Variants in HCLS1 observed in about 807,000 individuals in gnomAD.
The protein encoded by HCLS1 is hematopoietic cell-specific Lyn substrate 1.
A neutral mutation model predicts 68.6 loss-of-function variants in HCLS1; 44 were observed. The ratio of observed to expected loss-of-function variants is 0.64; its 90% confidence interval spans 0.50 to 0.82. The LOEUF is 0.82. Among genes scored for constraint, HCLS1 ranks in the 40% least tolerant of loss-of-function variants. The probability of loss-of-function intolerance (pLI) is 0.00; values close to 1 mark genes in which losing one functional copy is unlikely to be tolerated. For synonymous variants in HCLS1, 217 were observed against 225.8 expected, an observed-to-expected ratio of 0.96 and a Z score of 0.35; for missense variants, 602 against 612.1, an observed-to-expected ratio of 0.98 and a Z score of 0.17.
At chr3:121,634,539 A>G in intron 9 of HCLS1, 121 bp from the exon 10 acceptor site, 1 of 900,974 alleles carries the variant, frequency 1.1e-6, no homozygotes, top group Non-Finnish European at 1.8e-6. Flanking sequence ...GTGGGACAGG[A>G]TGGTAAAGAG....
intron 2 of HCLS1, among the ~76,000 whole-genome samples, chr3:121,657,652 C>T (rs994340484): frequency 1.4e-4 from 21 of 151,950 alleles, no homozygotes; most frequent in African/African-American, 5.1e-4. Context: ...CCCATCTCTA[C>T]CAAAAAAATA....
intron 3 of HCLS1, chr3:121,655,462 C>CTTTTTTTTTTTTTTTT (rs1181452367): frequency 6.0e-5 from 3 of 50,066 alleles, no homozygotes; most frequent in African/African-American, 7.9e-5. Context: ...GTTGCTTGCT[C>CTTTTTTTTTTTTTTTT]TTTTTTTTTT....
At chr3:121,646,004 TA>T (rs985532640) in intron 4 of HCLS1, among the ~76,000 whole-genome samples, 1 of 133,762 alleles carries the variant, frequency 7.5e-6, no homozygotes, top group African/African-American at 2.8e-5. Flanking sequence ...TATTTATAAA[TA>T]TATTTATAAA....
At chr3:121,649,636 A>C (rs954818661) in intron 3 of HCLS1, among the ~76,000 whole-genome samples, 1 of 152,216 alleles carries the variant, frequency 6.6e-6, no homozygotes, top group African/African-American at 2.4e-5. Flanking sequence ...AAAATGTTTT[A>C]TGTATGGAGA....
rs1269305696 is a variant in HCLS1 at position 121,631,820 on chromosome 3, C to G, written c.*26G>C. ...GAGCCACTTTGGACATGGGAAATCA[C>G]AGTTGCAGTAGACAGTGAGCTCTAG... On this transcript the variant is annotated 3_prime_UTR_variant, in exon 14 of 14. Coordinates refer to ENST00000314583, the MANE Select transcript of HCLS1 (RefSeq NM_005335.6). The G allele has an allele frequency of 1.2e-6, 2 of 1,613,364 alleles. No homozygotes were observed. The highest frequency in any genetic ancestry group is 2.2e-5 in the South Asian group (2 of 91,030).
chr3:121,643,598 GTC>G (rs2049220362), intron 5 of HCLS1: 1 of 152,390 alleles, frequency 6.6e-6, no homozygotes, highest in Non-Finnish European at 1.5e-5. Context: ...AACCAGGAGA[GTC>G]TGGATCCTAG....
chr3:121,659,723 T>C (rs1937950735), intron 1 of HCLS1, among the ~76,000 whole-genome samples: 1 of 152,072 alleles, frequency 6.6e-6, no homozygotes, highest in Non-Finnish European at 1.5e-5. Flanking sequence ...GCATCCTTAC[T>C]ACCCCTCTGC....
chr3:121,645,769 G>C lies in HCLS1; in HGVS notation c.289-841C>G, dbSNP rs552489208. 4.6e-5 allele frequency among the ~76,000 whole-genome samples: 7 copies of C among 150,678 alleles called. No individual in the cohort carries two copies. The East Asian group carries it at 1.4e-3, about 29-fold the overall frequency. On this transcript the variant is annotated intron_variant, in intron 4 of 13. Coordinates refer to ENST00000314583, the MANE Select transcript of HCLS1 (RefSeq NM_005335.6). ...AATGAGTTTTAACTCATGAACCAAT[G>C]AATGAGTCAAAAAATATATATTTTG...
intron 1 of HCLS1, among the ~76,000 whole-genome samples, chr3:121,658,942 C>T (rs565398681): frequency 2.6e-5 from 4 of 152,254 alleles, no homozygotes; most frequent in African/African-American, 7.2e-5. Context: ...CAGCGACAGT[C>T]GGCTGAAATT....
intron 4 of HCLS1, among the ~76,000 whole-genome samples, chr3:121,646,972 ATTTATTTTATTTATTTT>A (rs1183462447): frequency 6.9e-6 from 1 of 144,860 alleles, no homozygotes; most frequent in Non-Finnish European, 1.5e-5. Context: ...TGTATTATTT[ATTTATTTTATTTATTTT>A]TTTTTTTTTT....
At chr3:121,657,772 A>G (rs923634812) in intron 2 of HCLS1, among the ~76,000 whole-genome samples, 17 of 152,242 alleles carry the variant, frequency 1.1e-4, no homozygotes, top group African/African-American at 3.9e-4. Flanking sequence ...GGTTGCAGTG[A>G]GCTGAGATTG....
At chr3:121,659,084 TAGAAA>T (rs952221188) in intron 1 of HCLS1, among the ~76,000 whole-genome samples, 43 of 152,264 alleles carry the variant, frequency 2.8e-4, no homozygotes, top group African/African-American at 1.0e-3. Flanking sequence ...CAATTTACCG[TAGAAA>T]AGAAAAAAGA....
Position 121,632,528 on chromosome 3 carries a change from A to C in HCLS1, c.1044T>G (p.Thr348=). ...CTTCCTCCACCTGGAGGCCTTCCAG[A>C]GTCCTAGGGGGCAGAGCTGGGGGCT... ...NEEPPALPPR[T]LEGLQVEEEP... is the part of the protein sequence containing the mutation. The change falls in exon 12 of 14, where the codon ACT becomes ACG. Residue 348 remains threonine, a synonymous_variant. Transcript: ENST00000314583. The C allele has an allele frequency of 1.2e-6, 2 of 1,613,082 alleles. No individual in the cohort carries two copies. Among genetic ancestry groups the C allele is most frequent in the Non-Finnish European group, 8.5e-7 (1 of 1,179,966 alleles).
chr3:121,647,524 C>G lies in HCLS1; in HGVS notation c.159-76G>C, dbSNP rs183376046. On this transcript the variant is annotated intron_variant, in intron 3 of 13. Transcript: ENST00000314583. ...ACCCATCTTCCCAGAAAAATGGAAG[C>G]CTTGAAGTCTGTCCTGTTTACTTTC... The G allele has an allele frequency of 6.4e-5, 98 of 1,521,254 alleles. No homozygotes were observed. The African/African-American group carries it at 7.4e-4, about 12-fold the overall frequency. The allele number at this position is 1,521,254 out of a possible 1,614,324, so 94.2% of individuals were successfully genotyped here.
chr3:121,659,154 CTAAA>C, intron 1 of HCLS1, among the ~76,000 whole-genome samples: 1 of 152,294 alleles, frequency 6.6e-6, no homozygotes, highest in African/African-American at 2.4e-5. Flanking sequence ...TTTTTATCAA[CTAAA>C]TAAATGTTGC....
chr3:121,657,677 G>A (rs1006079713), intron 2 of HCLS1, among the ~76,000 whole-genome samples: 1 of 152,084 alleles, frequency 6.6e-6, no homozygotes, highest in African/African-American at 2.4e-5. Context: ...AATTAGCCAG[G>A]TGTGGTGGCA....
chr3:121,634,481 A>C lies in HCLS1; in HGVS notation c.692-63T>G, dbSNP rs6770842. ...ATTGGAGAGTGGGGAAGGGCATGGCACTTGAAGGAAGAAGGGGAATCAGTT... is the reference window on the plus strand; with the variant it reads ...ATTGGAGAGTGGGGAAGGGCATGGCCCTTGAAGGAAGAAGGGGAATCAGTT... On this transcript the variant is annotated intron_variant, in intron 9 of 13. Transcript: ENST00000314583. 0.24 allele frequency: 355,034 copies of C among 1,463,962 alleles called. 44,031 individuals carry two copies. The highest frequency in any genetic ancestry group is 0.35 in the East Asian group (15,429 of 44,256). The allele number at this position is 1,463,962 out of a possible 1,614,324, so 90.7% of individuals were successfully genotyped here.
At chr3:121,645,047 C>T (rs575354000) in intron 4 of HCLS1, 119 bp from the exon 5 acceptor site, 41 of 738,704 alleles carry the variant, frequency 5.6e-5, no homozygotes, top group Non-Finnish European at 5.7e-5. Context: ...GATCTATAGC[C>T]TCTGACAGTG....
Position 121,632,926 on chromosome 3 carries a change from G to A in HCLS1, c.1008+141C>T, listed in dbSNP as rs1450809530. On this transcript the variant is annotated intron_variant, in intron 11 of 13. Transcript: ENST00000314583. The stretch of plus-strand genomic sequence containing the variant: ...ATACTAGTTTGCCCAGGACAGAGGA[G>A]TTTCCCAGAAGGCAAGGTCTTCAGT... 9.6e-6 allele frequency: 6 copies of A among 622,106 alleles called. No homozygotes were observed. In the East Asian group the frequency reaches 1.7e-4, roughly 17 times the overall value. The allele number at this position is 622,106 out of a possible 1,614,324, so 38.5% of individuals were successfully genotyped here.
Sources: allele counts gnomAD v4.1 joint callset (sites outside exome capture counted in the v4.1 genomes callset), GRCh38; gene constraint gnomAD v4.1.1; transcripts MANE v1.5; gene names NCBI Gene and HGNC (gene_info 2026-07-23, HGNC 2026-07-21).